The following MYLK variants were observed in gnomAD, a reference collection of about 807,000 sequenced individuals.
The protein encoded by MYLK is myosin light chain kinase, smooth muscle.
MYLK carries 106 observed loss-of-function variants against 203.4 expected under a neutral mutation model. That is an observed-to-expected ratio of 0.52 (90% CI 0.45 to 0.61). The LOEUF (loss-of-function observed/expected upper bound fraction) is 0.61, where lower values mean the gene tolerates loss of function less well. MYLK is among the 20% of genes least tolerant of loss of function. The pLI, the probability that MYLK is intolerant of heterozygous loss-of-function variation, is 0.00. For synonymous variants in MYLK, 867 were observed against 959.5 expected, an observed-to-expected ratio of 0.90 and a Z score of 1.78; for missense variants, 2,072 against 2,442.3, an observed-to-expected ratio of 0.85 and a Z score of 3.20.
At position 123,614,305 on chromosome 3, in the gene MYLK, T is replaced by C. The variant is rs1177273925; in HGVS notation, c.5545A>G (p.Ile1849Val). The C allele has an allele frequency of 3.7e-6, 6 of 1,614,054 alleles. No individual in the cohort carries two copies. The African/African-American group carries it at 6.7e-5, about 18-fold the overall frequency. ...ATCTGGAAGTGGCGGGACTCCCTGATTGACTGGTCATCTTTGAACCAGACA... is the reference window on the plus strand; with the variant it reads ...ATCTGGAAGTGGCGGGACTCCCTGACTGACTGGTCATCTTTGAACCAGACA... ...EVVWFKDDQS[I>V]RESRHFQIDY... The change falls in exon 34 of 34, where the codon ATC (isoleucine) becomes GTC (valine). Residue 1849 changes from isoleucine (I) to valine (V), a missense_variant. Around this residue, in one of 3 missense-constraint regions of MYLK, gnomAD observed 524 missense variants for 782.4 expected, o/e 0.67. Coordinates refer to ENST00000360304, the MANE Select transcript of MYLK (RefSeq NM_053025.4).
intron 27 of MYLK, chr3:123,646,974 C>T (rs2059042231): frequency 1.2e-5 from 7 of 565,082 alleles, no homozygotes; most frequent in African/African-American, 1.9e-5. Context: ...CAAAGATCTA[C>T]TGGTTTGTTT....
At chr3:123,704,525 C>A (rs1210663458) in intron 16 of MYLK, among the ~76,000 whole-genome samples, 1 of 152,164 alleles carries the variant, frequency 6.6e-6, no homozygotes, top group Non-Finnish European at 1.5e-5. Context: ...AATAAGAGTT[C>A]CACTCTGGTT....
At chr3:123,739,204 T>C (rs2108817050) in intron 6 of MYLK, 142 bp from the exon 7 acceptor site, 2 of 950,400 alleles carry the variant, frequency 2.1e-6, no homozygotes, top group South Asian at 1.4e-5. Flanking sequence ...AGAAACTTTC[T>C]CATGCTCTCT....
chr3:123,708,631 C>G, intron 15 of MYLK, 67 bp downstream of exon 15: 7 of 1,594,548 alleles, frequency 4.4e-6, no homozygotes, highest in Non-Finnish European at 6.0e-6. Flanking sequence ...TTCCTTGCCT[C>G]CAAATCACTT....
chr3:123,754,778 A>T (rs952840957), intron 4 of MYLK, among the ~76,000 whole-genome samples: 11 of 152,236 alleles, frequency 7.2e-5, no homozygotes, highest in Non-Finnish European at 1.2e-4. Context: ...AATTTTACTT[A>T]AAAAATGCAT....
intron 30 of MYLK, among the ~76,000 whole-genome samples, chr3:123,628,048 G>T (rs2058236183): frequency 6.6e-6 from 1 of 152,196 alleles, no homozygotes; most frequent in Non-Finnish European, 1.5e-5. Flanking sequence ...GAGGCACCTT[G>T]GGTGTGGGGG....
chr3:123,700,144 A>G lies in MYLK; in HGVS notation c.3324T>C (p.His1108=). ...PAFKQKLQDV[H]VAEGKKLLLQ... is the part of the protein sequence containing the mutation. ...GCAGCAGCTTCTTGCCCTCTGCCAC[A>G]TGAACATCTTGCAGCTTCTGCTTGA... Residue 1108 remains histidine, a synonymous_variant, in exon 18 of 34, where the codon CAT becomes CAC. Coordinates refer to ENST00000360304, the MANE Select transcript of MYLK (RefSeq NM_053025.4). 6.2e-7 allele frequency: 1 copy of G among 1,613,942 alleles called. No homozygotes were observed. Among genetic ancestry groups the G allele is most frequent in the South Asian group, 1.1e-5 (1 of 91,060 alleles).
intron 4 of MYLK, among the ~76,000 whole-genome samples, chr3:123,776,531 A>G (rs1009231380): frequency 6.6e-6 from 1 of 152,242 alleles, no homozygotes; most frequent in African/African-American, 2.4e-5. Context: ...AACCATCAAG[A>G]TAACTGCCAA....
intron 19 of MYLK, among the ~76,000 whole-genome samples, chr3:123,686,277 G>A (rs1324331251): frequency 6.6e-6 from 1 of 152,148 alleles, no homozygotes; most frequent in Non-Finnish European, 1.5e-5. Context: ...GAGGAAGTGG[G>A]GGGCCTCTAC....
In MYLK at chr3:123,647,409, G is replaced by A; in HGVS notation, c.4434C>T (p.Val1478=). The change falls in exon 27 of 34, where the codon GTC becomes GTT. Residue 1478 remains valine (V), a synonymous_variant. Transcript: ENST00000360304. ...ERLGSGKFGQ[V]FRLVEKKTRK... Reference sequence around the variant, plus strand: ...GAGTTTTCTTTTCTACAAGTCGAAAGACCTGTCCAAATTTCCCACTGCAAA... The same window carrying A: ...GAGTTTTCTTTTCTACAAGTCGAAAAACCTGTCCAAATTTCCCACTGCAAA... The A allele has an allele frequency of 6.2e-7, 1 of 1,614,220 alleles. No individual in the cohort carries two copies. Among genetic ancestry groups the A allele is most frequent in the Non-Finnish European group, 8.5e-7 (1 of 1,180,036 alleles).
At chr3:123,633,976 C>G (rs565560500) in intron 29 of MYLK, among the ~76,000 whole-genome samples, 1 of 152,090 alleles carries the variant, frequency 6.6e-6, no homozygotes, top group Non-Finnish European at 1.5e-5. Context: ...CACTACTGCA[C>G]CTGGCTTCTG....
At chr3:123,841,727 C>T (rs34508257) in intron 2 of MYLK, among the ~76,000 whole-genome samples, 18,434 of 152,098 alleles carry the variant, frequency 0.12, 1,161 homozygotes, top group Middle Eastern at 0.22. Context: ...TCTTTAACCC[C>T]CTACAATCAA....
chr3:123,644,899 A>C (rs2058961682), intron 27 of MYLK, among the ~76,000 whole-genome samples: 1 of 152,242 alleles, frequency 6.6e-6, no homozygotes, highest in African/African-American at 2.4e-5. Context: ...CAAAAGGGGC[A>C]TCTTGAGATT....
intron 3 of MYLK, among the ~76,000 whole-genome samples, chr3:123,810,145 C>T (rs143209694): frequency 2.6e-5 from 4 of 152,318 alleles, no homozygotes; most frequent in African/African-American, 7.2e-5. Flanking sequence ...CCACAATACC[C>T]GCTAGGACTA....
At chr3:123,685,347 C>T (rs1218410731) in intron 19 of MYLK, among the ~76,000 whole-genome samples, 1 of 152,162 alleles carries the variant, frequency 6.6e-6, no homozygotes, top group African/African-American at 2.4e-5. Flanking sequence ...AATCCCAGGA[C>T]TTTGGGAGGC....
chr3:123,634,981 ACCCCATT>A (rs1372486060), intron 29 of MYLK, among the ~76,000 whole-genome samples: 1 of 152,080 alleles, frequency 6.6e-6, no homozygotes, highest in East Asian at 1.9e-4. Context: ...GGGCTCCACG[ACCCCATT>A]CTGCTCCTTC....
At chr3:123,874,165 A>G (rs555699840) in intron 2 of MYLK, among the ~76,000 whole-genome samples, 1 of 152,268 alleles carries the variant, frequency 6.6e-6, no homozygotes, top group East Asian at 1.9e-4. Context: ...TTTATATGTC[A>G]GGCCAAAAAA....
chr3:123,806,572 T>C (rs1167706648), intron 3 of MYLK, among the ~76,000 whole-genome samples: 1 of 152,230 alleles, frequency 6.6e-6, no homozygotes, highest in Non-Finnish European at 1.5e-5. Context: ...TTACTTAAAA[T>C]GAACATTTAG....
intron 2 of MYLK, among the ~76,000 whole-genome samples, chr3:123,831,872 A>C (rs1426247379): frequency 1.3e-5 from 2 of 152,068 alleles, no homozygotes; most frequent in Non-Finnish European, 2.9e-5. Flanking sequence ...TTACAAGGAG[A>C]ACCAGAACGA....
Sources: gnomAD v4.1 joint callset for allele counts (sites outside exome capture counted in the v4.1 genomes callset) on GRCh38, gnomAD v4.1.1 for gene constraint, gnomAD v4.1.1 regional missense constraint, MANE v1.5 for transcripts, NCBI Gene and HGNC (gene_info 2026-07-23, HGNC 2026-07-21) for gene names.